ZDHHC20: variants seen among roughly 807,000 people sequenced by gnomAD.
ZDHHC20 encodes palmitoyltransferase ZDHHC20.
ZDHHC20 carries 43 observed loss-of-function variants against 57.8 expected under a neutral mutation model. The observed-to-expected ratio is 0.74, with a 90% CI of 0.58 to 0.96. The LOEUF is 0.96. ZDHHC20 is among the 40% of genes least tolerant of loss of function. The pLI, the probability that ZDHHC20 is intolerant of heterozygous loss-of-function variation, is 0.00. For synonymous variants in ZDHHC20, 157 were observed against 153.0 expected (o/e 1.03, Z -0.19); for missense variants, 391 against 441.1 (o/e 0.89, Z 1.02).
chr13:21,398,412 C>G (rs1877138703), intron 7 of ZDHHC20, among the ~76,000 whole-genome samples: 1 of 150,036 alleles, frequency 6.7e-6, no homozygotes, highest in South Asian at 2.1e-4. Context: ...GGCAGTGAGC[C>G]AAGATCGCGC....
chr13:21,383,048 A>T, intron 9 of ZDHHC20, 39 bp from the exon 10 acceptor site: 1 of 1,513,692 alleles, frequency 6.6e-7, no homozygotes. Flanking sequence ...AATAATGTTA[A>T]GTTAAATCAA....
At chr13:21,438,574 G>A (rs1217927437) in intron 1 of ZDHHC20, among the ~76,000 whole-genome samples, 1 of 152,138 alleles carries the variant, frequency 6.6e-6, no homozygotes. Flanking sequence ...AAAAGAAAAT[G>A]GTTTTTTTGA....
At chr13:21,393,213 A>G (rs1593194666) in intron 7 of ZDHHC20, among the ~76,000 whole-genome samples, 1 of 150,872 alleles carries the variant, frequency 6.6e-6, no homozygotes. Flanking sequence ...TTAAAGATAC[A>G]AGGTCTTGGC....
intron 1 of ZDHHC20, among the ~76,000 whole-genome samples, chr13:21,437,204 G>T (rs1882643563): frequency 6.6e-6 from 1 of 152,214 alleles, no homozygotes; most frequent in African/African-American, 2.4e-5. Flanking sequence ...TAAGCTAGCA[G>T]AAGTTGATTT....
intron 3 of ZDHHC20, among the ~76,000 whole-genome samples, chr13:21,416,279 A>G (rs1275789435): frequency 6.6e-6 from 1 of 152,032 alleles, no homozygotes; most frequent in Non-Finnish European, 1.5e-5. Flanking sequence ...TTCAAGAGAC[A>G]TCAGAATTTT....
intron 9 of ZDHHC20, among the ~76,000 whole-genome samples, chr13:21,385,096 G>A (rs182794720): frequency 6.6e-6 from 1 of 152,054 alleles, no homozygotes; most frequent in Non-Finnish European, 1.5e-5. Flanking sequence ...AGAAACGTAA[G>A]ATATAAAAAA....
At chr13:21,433,978 A>G (rs1310105976) in intron 1 of ZDHHC20, among the ~76,000 whole-genome samples, 1 of 152,166 alleles carries the variant, frequency 6.6e-6, no homozygotes, top group African/African-American at 2.4e-5. Flanking sequence ...TTGACCTTGT[A>G]TGCTGGCTCA....
chr13:21,381,340 A>T (rs2137646132), intron 11 of ZDHHC20, 94 bp downstream of exon 11: 1 of 1,048,650 alleles, frequency 9.5e-7, no homozygotes, highest in Non-Finnish European at 1.4e-6. Context: ...TAGTATTTTT[A>T]AAATGTTACA....
rs150344375 is a variant in ZDHHC20 at position 21,428,489 on chromosome 13, G to T, written c.119-2811C>A. Among the ~76,000 whole-genome samples, 1,016 of 151,856 alleles carry T rather than the reference G, an allele frequency of 6.7e-3. 14 individuals carry two copies. The highest frequency in any genetic ancestry group is 0.023 in the African/African-American group (943 of 41,464). On this transcript the variant is annotated intron_variant, in intron 1 of 12. Transcript: ENST00000400590. The stretch of plus-strand genomic sequence containing the variant: ...CTGCCTTGGACTCCTGAAGTGCTGG[G>T]ATTACAGGCGTGAGCCACCGCACCC...
At chr13:21,430,583 T>A (rs1222891535) in intron 1 of ZDHHC20, among the ~76,000 whole-genome samples, 1 of 151,050 alleles carries the variant, frequency 6.6e-6, no homozygotes, top group Non-Finnish European at 1.5e-5. Context: ...CTGGTGAGAG[T>A]GGGGGATGGA....
chr13:21,420,769 TCTGTTC>T (rs1299893063), intron 3 of ZDHHC20, among the ~76,000 whole-genome samples: 4 of 152,238 alleles, frequency 2.6e-5, no homozygotes, highest in Non-Finnish European at 5.9e-5. Flanking sequence ...CTAACGCAAT[TCTGTTC>T]CTTGAGACTT....
At chr13:21,409,225 A>G (rs1878871759) in intron 4 of ZDHHC20, among the ~76,000 whole-genome samples, 1 of 152,142 alleles carries the variant, frequency 6.6e-6, no homozygotes, top group Admixed American at 6.5e-5. Flanking sequence ...TTGGCTGTGA[A>G]TCCGTCTGGT....
intron 4 of ZDHHC20, among the ~76,000 whole-genome samples, chr13:21,404,741 G>C (rs1055715334): frequency 6.9e-5 from 10 of 144,306 alleles, no homozygotes; most frequent in African/African-American, 2.6e-4. Context: ...GTGACAGAGC[G>C]AGATTCCATC....
rs1038968324 is a variant in ZDHHC20 at position 21,374,158 on chromosome 13, G to A, written c.*2538C>T. The A allele has an allele frequency of 5.8e-6, 1 of 172,172 alleles. No homozygotes were observed. The highest frequency in any genetic ancestry group is 1.4e-4 in the South Asian group (1 of 7,292). 10.7% of individuals were successfully genotyped at this position (172,172 alleles called of 1,614,324 possible). ...AACATTTCTGAAAGTAGTCAAGTAT[G>A]TTTTAACATTTATCTCCTTATAATA... is the stretch of plus-strand genomic sequence containing the variant. On this transcript the variant is annotated 3_prime_UTR_variant, in exon 13 of 13. Coordinates refer to ENST00000400590, the MANE Select transcript of ZDHHC20 (RefSeq NM_001330059.2).
At chr13:21,443,965 G>A (rs1198668559) in intron 1 of ZDHHC20, among the ~76,000 whole-genome samples, 1 of 152,162 alleles carries the variant, frequency 6.6e-6, no homozygotes, top group African/African-American at 2.4e-5. Context: ...GAGTCAGCCT[G>A]GCCAACATGG....
intron 3 of ZDHHC20, among the ~76,000 whole-genome samples, chr13:21,419,166 G>A (rs1232495901): frequency 1.3e-5 from 2 of 152,140 alleles, no homozygotes; most frequent in Non-Finnish European, 2.9e-5. Flanking sequence ...GAAATGGATA[G>A]TTTGTAACAT....
chr13:21,382,471 GAATT>G (rs1322064511), intron 10 of ZDHHC20, among the ~76,000 whole-genome samples: 1 of 151,968 alleles, frequency 6.6e-6, no homozygotes, highest in Admixed American at 6.6e-5. Flanking sequence ...CCTCTAAGAT[GAATT>G]AATGAAAAAA....
At chr13:21,393,240 C>A (rs992564493) in intron 7 of ZDHHC20, among the ~76,000 whole-genome samples, 26 of 151,196 alleles carry the variant, frequency 1.7e-4, no homozygotes, top group African/African-American at 6.3e-4. Flanking sequence ...CGGTGGCTCA[C>A]ACCTGTAATC....
chr13:21,458,337 T>C (rs1885087131), intron 1 of ZDHHC20, among the ~76,000 whole-genome samples: 1 of 152,080 alleles, frequency 6.6e-6, no homozygotes, highest in Admixed American at 6.5e-5. Flanking sequence ...AAAATATGAG[T>C]ATAAGAAATA....
Sources: gnomAD v4.1 joint callset for allele counts (sites outside exome capture counted in the v4.1 genomes callset) on GRCh38, gnomAD v4.1.1 for gene constraint, MANE v1.5 for transcripts, NCBI Gene and HGNC (gene_info 2026-07-23, HGNC 2026-07-21) for gene names.